The following GLG1 variants were observed in gnomAD, a reference collection of about 807,000 sequenced individuals.
GLG1 encodes golgi glycoprotein 1, also known as Golgi apparatus protein 1.
A neutral mutation model predicts 160.5 loss-of-function variants in GLG1; 38 were observed. The ratio of observed to expected loss-of-function variants is 0.24; its 90% CI spans 0.18 to 0.31. GLG1 has a LOEUF of 0.31. Ranked by LOEUF, GLG1 falls within the 10% of genes least tolerant of loss-of-function variation. GLG1 has a pLI of 1.00. For missense variants in GLG1, 1,373 were observed against 1,505.2 expected, an observed-to-expected ratio of 0.91 and a Z score of 1.45; for synonymous variants, 644 against 543.4, an observed-to-expected ratio of 1.19 and a Z score of -2.57.
intron 15 of GLG1, among the ~76,000 whole-genome samples, chr16:74,470,945 C>G (rs12447531): frequency 6.6e-6 from 1 of 151,490 alleles, no homozygotes; most frequent in Non-Finnish European, 1.5e-5. Flanking sequence ...TCAGTAGAGA[C>G]GGAGTTTCAC....
intron 12 of GLG1, among the ~76,000 whole-genome samples, chr16:74,475,430 G>A (rs1262049713): frequency 1.3e-5 from 2 of 152,154 alleles, no homozygotes; most frequent in South Asian, 2.1e-4. Context: ...CTGGAACACA[G>A]GATACAACTG....
chr16:74,511,562 G>C (rs377751140), intron 2 of GLG1, among the ~76,000 whole-genome samples: 2 of 117,812 alleles, frequency 1.7e-5, no homozygotes, highest in East Asian at 5.1e-4. Flanking sequence ...TGAGGCAGGA[G>C]AATAACTTGA....
intron 8 of GLG1, 152 bp downstream of exon 8, chr16:74,490,849 G>A (rs1447524813): frequency 1.6e-6 from 1 of 616,170 alleles, no homozygotes; most frequent in African/African-American, 1.8e-5. Context: ...AGATATGCCT[G>A]AAGAAGCAAC....
Position 74,606,772 on chromosome 16 carries a change from C to A in GLG1, c.323G>T (p.Gly108Val). Residue 108 changes from glycine to valine, a missense_variant, in exon 1 of 26, where the codon GGG becomes GTG. By Grantham distance (109) the Gly-to-Val change is moderately radical (BLOSUM62 -3). Coordinates refer to ENST00000422840, the MANE Select transcript of GLG1 (RefSeq NM_001145667.2). ...PARRGGAGAGGGWKLAEEESC... is the reference protein window; with the variant it reads ...PARRGGAGAGVGWKLAEEESC... Reference sequence around the variant, plus strand: ...CTCTTCCTCCGCCAGCTTCCAGCCCCCACCAGCCCCCGCTCCTCCCCGCCG... The same window carrying A: ...CTCTTCCTCCGCCAGCTTCCAGCCCACACCAGCCCCCGCTCCTCCCCGCCG... 1.2e-6 allele frequency: 2 copies of A among 1,611,608 alleles called. No homozygotes were observed. Among genetic ancestry groups the A allele is most frequent in the East Asian group, 2.2e-5 (1 of 44,786 alleles).
At chr16:74,472,446 T>C (rs1485452346) in intron 13 of GLG1, 35 bp from the exon 14 acceptor site, 1 of 1,515,636 alleles carries the variant, frequency 6.6e-7, no homozygotes, top group Non-Finnish European at 9.1e-7. Context: ...ACTTCTGCTT[T>C]AGAAAGAGCC....
intron 1 of GLG1, among the ~76,000 whole-genome samples, chr16:74,584,896 C>G (rs1030918368): frequency 2.9e-5 from 4 of 139,214 alleles, no homozygotes; most frequent in African/African-American, 5.6e-5. Flanking sequence ...AGCCTGGCGA[C>G]AGAGCGAGAC....
Position 74,503,683 on chromosome 16 carries a change from G to T in GLG1, c.622C>A (p.Arg208=). The change falls in exon 4 of 26, where the codon CGA becomes AGA. Residue 208 remains arginine, a synonymous_variant. Transcript: ENST00000422840. ...CACTGATACTCAGTGATGTTGCCTC[G>T]GTGATCCACCAAGCAGGAAACCATG... The part of the protein sequence containing the change: ...GYMVSCLVDH[R]GNITEYQCHQ... 1 of 1,612,790 alleles carries T rather than the reference G, an allele frequency of 6.2e-7. No homozygotes were observed. The highest frequency in any genetic ancestry group is 8.5e-7 in the Non-Finnish European group (1 of 1,178,830).
chr16:74,604,178 G>A (rs771166651), intron 1 of GLG1, among the ~76,000 whole-genome samples: 2 of 152,044 alleles, frequency 1.3e-5, no homozygotes, highest in Non-Finnish European at 2.9e-5. Context: ...GACAGAGCGA[G>A]ACCCTGTCTC....
chr16:74,488,862 G>A (rs1437383418), intron 8 of GLG1, among the ~76,000 whole-genome samples: 2 of 152,022 alleles, frequency 1.3e-5, no homozygotes, highest in Non-Finnish European at 2.9e-5. Flanking sequence ...CAAGTGATCT[G>A]CCTGCCTTGG....
intron 1 of GLG1, among the ~76,000 whole-genome samples, chr16:74,591,006 T>C (rs1178291779): frequency 6.6e-6 from 1 of 151,904 alleles, no homozygotes; most frequent in Non-Finnish European, 1.5e-5. Context: ...TTTTCAACTA[T>C]TTCAAAACTC....
At chr16:74,572,175 T>C (rs1027325082) in intron 1 of GLG1, among the ~76,000 whole-genome samples, 7 of 151,998 alleles carry the variant, frequency 4.6e-5, no homozygotes, top group Non-Finnish European at 1.0e-4. Flanking sequence ...GTTAAGTTGA[T>C]CACCAAAGGG....
At position 74,471,266 on chromosome 16, in the gene GLG1, T is replaced by C; in HGVS notation, c.2136A>G (p.Ile712Met). The C allele has an allele frequency of 1.3e-6, 2 of 1,585,880 alleles. No homozygotes were observed. The highest frequency in any genetic ancestry group is 1.1e-5 in the South Asian group (1 of 90,472). Residue 712 changes from isoleucine to methionine, a missense_variant, in exon 15 of 26, where the codon ATA becomes ATG. Physicochemically the swap from Ile to Met is conservative, Grantham distance 10. Coordinates refer to ENST00000422840, the MANE Select transcript of GLG1 (RefSeq NM_001145667.2). ...NFCHDVADNQ[I>M]DSGDLMECLI... is the part of the protein sequence containing the mutation. ...GACACTCCATCAGGTCCCCAGAGTC[T>C]ATCTGGTTATCTGCCACATCCTGGG...
Position 74,468,119 on chromosome 16 carries a change from T to C in GLG1, c.2437-271A>G, listed in dbSNP as rs923163635. Reference sequence around the variant, plus strand: ...GGACTGCTGAGATGTGAAAATCACTTTGGAAAGTCAAAACCATTATATAAA... The same window carrying C: ...GGACTGCTGAGATGTGAAAATCACTCTGGAAAGTCAAAACCATTATATAAA... On this transcript the variant is annotated intron_variant, in intron 17 of 25. Transcript: ENST00000422840. 1.2e-5 allele frequency: 4 copies of C among 323,458 alleles called. No homozygotes were observed. The Admixed American group carries it at 1.9e-4, about 16-fold the overall frequency. 20.0% of individuals were successfully genotyped at this position (323,458 alleles called of 1,614,324 possible). A position where few individuals can be genotyped will look rare whatever the true frequency, so the allele number is the denominator to read the frequency against.
At chr16:74,599,756 C>T (rs949089556) in intron 1 of GLG1, among the ~76,000 whole-genome samples, 2 of 151,710 alleles carry the variant, frequency 1.3e-5, no homozygotes, top group Non-Finnish European at 2.9e-5. Flanking sequence ...CCCAGCTACT[C>T]GGGAGGCTGA....
At chr16:74,457,424 C>T (rs1337380169) in intron 24 of GLG1, among the ~76,000 whole-genome samples, 1 of 152,066 alleles carries the variant, frequency 6.6e-6, no homozygotes, top group Admixed American at 6.6e-5. Flanking sequence ...TACAAACAAA[C>T]AACTTCTATT....
In GLG1 at chr16:74,555,809, T is replaced by C. The variant is rs2018334865; in HGVS notation, c.439-23656A>G. 2.6e-5 allele frequency among the ~76,000 whole-genome samples: 4 copies of C among 151,802 alleles called. No homozygotes were observed. The South Asian group carries it at 8.3e-4, about 31-fold the overall frequency. ...AGTCACTAAGTCACACAAAGACAATTATAGCTGGTGATAATTCATCTTTTT... is the reference window on the plus strand; with the variant it reads ...AGTCACTAAGTCACACAAAGACAATCATAGCTGGTGATAATTCATCTTTTT... On this transcript the variant is annotated intron_variant, in intron 1 of 25. Transcript: ENST00000422840.
intron 1 of GLG1, among the ~76,000 whole-genome samples, chr16:74,553,428 A>C (rs1049795138): frequency 6.6e-6 from 1 of 150,796 alleles, no homozygotes; most frequent in Non-Finnish European, 1.5e-5. Flanking sequence ...AGATAAATAA[A>C]TGGCAATTTT....
chr16:74,483,700 C>A (rs1322505123), intron 9 of GLG1, among the ~76,000 whole-genome samples: 1 of 151,574 alleles, frequency 6.6e-6, no homozygotes, highest in East Asian at 1.9e-4. Flanking sequence ...GCTCTGTCGC[C>A]CAGGCTGGAG....
At chr16:74,587,302 T>C (rs965001562) in intron 1 of GLG1, among the ~76,000 whole-genome samples, 2 of 152,062 alleles carry the variant, frequency 1.3e-5, no homozygotes, top group African/African-American at 2.4e-5. Context: ...CCAAACAGAA[T>C]TGGATAGTCT....
Sources: gnomAD v4.1 joint callset for allele counts (sites outside exome capture counted in the v4.1 genomes callset) on GRCh38, gnomAD v4.1.1 for gene constraint, MANE v1.5 for transcripts, NCBI Gene and HGNC (gene_info 2026-07-23, HGNC 2026-07-21) for gene names.